GNAO1: variants seen among roughly 807,000 people sequenced by gnomAD.
The protein encoded by GNAO1 is G protein subunit alpha o1.
For synonymous variants in GNAO1, 164 were observed against 180.7 expected, an observed-to-expected ratio of 0.91 and a Z score of 0.74; for missense variants, 166 against 478.7, an observed-to-expected ratio of 0.35 and a Z score of 6.10.
At chr16:56,299,692 G>C (rs2037322542) in intron 3 of GNAO1, among the ~76,000 whole-genome samples, 1 of 152,154 alleles carries the variant, frequency 6.6e-6, no homozygotes, top group African/African-American at 2.4e-5. Context: ...TATTTATGTG[G>C]AACTGAGCTT....
At chr16:56,250,718 G>A (rs2036791629) in intron 2 of GNAO1, among the ~76,000 whole-genome samples, 2 of 152,136 alleles carry the variant, frequency 1.3e-5, no homozygotes, top group Non-Finnish European at 2.9e-5. Flanking sequence ...CTCCTCTCTA[G>A]GCTCTGCTTT....
In GNAO1 at chr16:56,314,808, G is replaced by A. The variant is rs568140864; in HGVS notation, c.304-13823G>A. On this transcript the variant is annotated intron_variant, in intron 3 of 8. Transcript: ENST00000262493. ...TTGATTTCATGGACCCCCTTGAAAG[G>A]ATCTCAGAGACCCCTCGGGGTCCAC... is the stretch of plus-strand genomic sequence containing the variant. Among the ~76,000 whole-genome samples the A allele has an allele frequency of 2.2e-4, 34 of 152,234 alleles. 2 individuals are homozygous for A. In the South Asian group the frequency reaches 7.1e-3, roughly 32 times the overall value.
intron 2 of GNAO1, among the ~76,000 whole-genome samples, chr16:56,222,706 T>G (rs1596805860): frequency 6.6e-6 from 1 of 152,146 alleles, no homozygotes; most frequent in East Asian, 1.9e-4. Context: ...AGAAAGGAAA[T>G]GCAGAAATGG....
chr16:56,269,537 T>C (rs1031076925), intron 2 of GNAO1, among the ~76,000 whole-genome samples: 3 of 152,194 alleles, frequency 2.0e-5, no homozygotes, highest in African/African-American at 7.2e-5. Flanking sequence ...ATGAACCAGC[T>C]CTGTTACCAC....
intron 2 of GNAO1, among the ~76,000 whole-genome samples, chr16:56,274,181 C>A (rs1243204926): frequency 6.6e-6 from 1 of 152,244 alleles, no homozygotes; most frequent in Non-Finnish European, 1.5e-5. Context: ...CAGGCCATCA[C>A]CGGACTCTCC....
At chr16:56,316,608 T>C (rs2037512293) in intron 3 of GNAO1, among the ~76,000 whole-genome samples, 1 of 151,942 alleles carries the variant, frequency 6.6e-6, no homozygotes, top group Admixed American at 6.6e-5. Context: ...CCTCCTCACC[T>C]CCCGAGAAGC....
In GNAO1 at chr16:56,311,508, A is replaced by G. The variant is rs1458559697; in HGVS notation, c.304-17123A>G. Among the ~76,000 whole-genome samples the G allele has an allele frequency of 1.3e-5, 2 of 152,144 alleles. No individual in the cohort carries two copies. Among genetic ancestry groups the G allele is most frequent in the African/African-American group, 2.4e-5 (1 of 41,426 alleles). Reference sequence around the variant, plus strand: ...GGATGGCAGGGGCTAAGTAGAGGCCATGCACCCTGATCCCAGACCTCAGAG... The same window carrying G: ...GGATGGCAGGGGCTAAGTAGAGGCCGTGCACCCTGATCCCAGACCTCAGAG... On this transcript the variant is annotated intron_variant, in intron 3 of 8. Transcript: ENST00000262493. This position sits in a 1 kb window ranked among gnomAD's most constrained non-coding sequence, Gnocchi z 5.2.
intron 6 of GNAO1, chr16:56,346,733 C>T: frequency 3.0e-6 from 3 of 985,742 alleles, no homozygotes; most frequent in Non-Finnish European, 3.6e-6. Flanking sequence ...CAGGCCCTCC[C>T]CACAGCCCAG....
intron 2 of GNAO1, among the ~76,000 whole-genome samples, chr16:56,252,766 T>C (rs538915616): frequency 6.6e-6 from 1 of 152,270 alleles, no homozygotes; most frequent in Non-Finnish European, 1.5e-5. Context: ...CCAACCTTCC[T>C]CCTGGCCCCG....
chr16:56,322,355 A>G (rs2037582587), intron 3 of GNAO1, among the ~76,000 whole-genome samples: 1 of 152,226 alleles, frequency 6.6e-6, no homozygotes, highest in Non-Finnish European at 1.5e-5. Context: ...GGGCCGTAGC[A>G]GAAAGAATGG....
chr16:56,336,115 T>C (rs1162276754), intron 5 of GNAO1, among the ~76,000 whole-genome samples: 2 of 152,272 alleles, frequency 1.3e-5, no homozygotes, highest in African/African-American at 4.8e-5. Flanking sequence ...TCTTCCAGAA[T>C]TTTTGTGCCC....
chr16:56,217,235 C>T (rs1351824507), intron 2 of GNAO1, among the ~76,000 whole-genome samples: 1 of 152,202 alleles, frequency 6.6e-6, no homozygotes, highest in African/African-American at 2.4e-5. Flanking sequence ...CAGAGTTTTG[C>T]TGCACCATCT....
intron 3 of GNAO1, among the ~76,000 whole-genome samples, chr16:56,305,329 C>A (rs963675266): frequency 1.3e-5 from 2 of 152,182 alleles, no homozygotes; most frequent in African/African-American, 4.8e-5. Flanking sequence ...ACAAACCTGT[C>A]TAATTACACC....
At chr16:56,346,203 T>C in intron 6 of GNAO1, 1 of 985,502 alleles carries the variant, frequency 1.0e-6, no homozygotes, top group Non-Finnish European at 1.2e-6. Flanking sequence ...TCCCTGTGCA[T>C]GACACCTGTC....
intron 3 of GNAO1, among the ~76,000 whole-genome samples, chr16:56,281,836 TG>T (rs1373486860): frequency 1.3e-5 from 2 of 152,134 alleles, no homozygotes; most frequent in African/African-American, 4.8e-5. Context: ...ACTGGACCAG[TG>T]GGGGGGATGG....
At chr16:56,340,885 T>A (rs1228819314) in intron 6 of GNAO1, 1 of 1,613,840 alleles carries the variant, frequency 6.2e-7, no homozygotes, top group Non-Finnish European at 8.5e-7. Context: ...CAACAACAAA[T>A]GGTTCACAGA....
intron 3 of GNAO1, among the ~76,000 whole-genome samples, chr16:56,290,096 C>T (rs2037215197): frequency 6.6e-6 from 1 of 152,216 alleles, no homozygotes; most frequent in South Asian, 2.1e-4. Flanking sequence ...ACCTCCTGGC[C>T]TCAGGGCTTT....
At chr16:56,192,725 T>TACAC in intron 2 of GNAO1, 109 bp downstream of exon 2, 1 of 574,610 alleles carries the variant, frequency 1.7e-6, no homozygotes, top group Non-Finnish European at 3.2e-6. Flanking sequence ...TTTTAATTCG[T>TACAC]GCACACACAC....
At chr16:56,261,570 G>A (rs541495185) in intron 2 of GNAO1, among the ~76,000 whole-genome samples, 2 of 152,360 alleles carry the variant, frequency 1.3e-5, no homozygotes, top group South Asian at 4.1e-4. Context: ...GGCTAGGTCT[G>A]TAATGTAGAA....
Sources: gnomAD v4.1 joint callset for allele counts (sites outside exome capture counted in the v4.1 genomes callset) on GRCh38, gnomAD v4.1.1 for gene constraint, Gnocchi (gnomAD v3.1) non-coding constraint, MANE v1.5 for transcripts, NCBI Gene and HGNC (gene_info 2026-07-23, HGNC 2026-07-21) for gene names.